ATP13A4: variants seen among roughly 807,000 people sequenced by gnomAD.
The protein encoded by ATP13A4 is ATPase 13A4.
A neutral mutation model predicts 142.5 loss-of-function variants in ATP13A4; 114 were observed. That is an observed-to-expected ratio of 0.80 (90% confidence interval 0.69 to 0.93). ATP13A4 has a LOEUF of 0.93. Ranked by LOEUF, ATP13A4 falls within the 40% of genes least tolerant of loss-of-function variation. The probability of loss-of-function intolerance (pLI) is 0.00; values close to 1 mark genes in which losing one functional copy is unlikely to be tolerated. For synonymous variants in ATP13A4, 488 were observed against 514.8 expected (o/e 0.95, Z 0.70); for missense variants, 1,392 against 1,454.0 (o/e 0.96, Z 0.69).
intron 25 of ATP13A4, among the ~76,000 whole-genome samples, chr3:193,417,700 A>ATGTAAAGAAAAGAGAACACTT (rs1361802616): frequency 4.3e-4 from 60 of 139,272 alleles, no homozygotes; most frequent in Middle Eastern, 3.4e-3. Flanking sequence ...ACAAAAAAGA[A>ATGTAAAGAAAAGAGAACACTT]ATTGGCCAGG....
chr3:193,539,486 C>T (rs1722766700), intron 1 of ATP13A4, among the ~76,000 whole-genome samples: 1 of 152,216 alleles, frequency 6.6e-6, no homozygotes, highest in South Asian at 2.1e-4. Flanking sequence ...ACATGCTCTA[C>T]CCTAAAACCT....
At chr3:193,533,533 A>G (rs1208809647) in intron 1 of ATP13A4, among the ~76,000 whole-genome samples, 2 of 152,218 alleles carry the variant, frequency 1.3e-5, no homozygotes, top group Non-Finnish European at 2.9e-5. Context: ...AGAGCAGAAG[A>G]AGTTGGTAAT....
intron 1 of ATP13A4, among the ~76,000 whole-genome samples, chr3:193,549,027 T>A (rs1723387922): frequency 6.6e-6 from 1 of 152,166 alleles, no homozygotes; most frequent in Admixed American, 6.5e-5. Flanking sequence ...CCACAGAATA[T>A]CAATTTTGTA....
intron 7 of ATP13A4, among the ~76,000 whole-genome samples, chr3:193,485,882 C>T (rs1458985342): frequency 2.0e-5 from 3 of 150,076 alleles, no homozygotes; most frequent in African/African-American, 7.4e-5. Flanking sequence ...TTGAACTTTC[C>T]AGCCTCCATA....
intron 1 of ATP13A4, among the ~76,000 whole-genome samples, chr3:193,583,957 A>G (rs1724621624): frequency 6.6e-6 from 1 of 152,196 alleles, no homozygotes; most frequent in African/African-American, 2.4e-5. Flanking sequence ...AACTACAGCT[A>G]GTTTCAGGTG....
chr3:193,515,249 G>C (rs1320785444), intron 1 of ATP13A4, among the ~76,000 whole-genome samples: 1 of 152,182 alleles, frequency 6.6e-6, no homozygotes, highest in African/African-American at 2.4e-5. Context: ...ACTGAGCTTA[G>C]AGTGGCAGAA....
At chr3:193,510,160 C>T (rs1283724030) in intron 2 of ATP13A4, among the ~76,000 whole-genome samples, 4 of 152,118 alleles carry the variant, frequency 2.6e-5, no homozygotes, top group African/African-American at 7.2e-5. Flanking sequence ...AGGAGGTAAG[C>T]GACCCAGTGA....
intron 2 of ATP13A4, among the ~76,000 whole-genome samples, chr3:193,575,553 T>C (rs912571473): frequency 6.6e-6 from 1 of 152,090 alleles, no homozygotes; most frequent in African/African-American, 2.4e-5. Context: ...GGAACAGAGA[T>C]CAAGTTTCAA....
upstream of ATP13A4, among the ~76,000 whole-genome samples, chr3:193,555,819 G>T (rs989239581): frequency 1.3e-5 from 2 of 152,136 alleles, no homozygotes; most frequent in Non-Finnish European, 2.9e-5. Flanking sequence ...CCCTACCCTA[G>T]CTCTGGCAAA....
At position 193,412,191 on chromosome 3, in the gene ATP13A4, T is replaced by G; in HGVS notation, c.3195A>C (p.Pro1065=). Residue 1065 remains proline (P), a synonymous_variant, in exon 27 of 30, where the codon CCA becomes CCC. Transcript: ENST00000342695. ...VFSKGKPFRQ[P]TYTNYIFVLV... is the part of the protein sequence containing the mutation. ...AGTTCTACTCACAGTTTGTATAAGTTGGCTGTCTAAATGGTTTTCCTTTAG... is the reference window on the plus strand; with the variant it reads ...AGTTCTACTCACAGTTTGTATAAGTGGGCTGTCTAAATGGTTTTCCTTTAG... 1 of 1,606,228 alleles carries G rather than the reference T, an allele frequency of 6.2e-7. No homozygotes were observed. Among genetic ancestry groups the G allele is most frequent in the Non-Finnish European group, 8.5e-7 (1 of 1,172,832 alleles).
At chr3:193,541,606 G>A (rs1009310239) in intron 1 of ATP13A4, among the ~76,000 whole-genome samples, 1 of 151,970 alleles carries the variant, frequency 6.6e-6, no homozygotes, top group African/African-American at 2.4e-5. Flanking sequence ...TTGTTTGTTT[G>A]TTTGGACTAC....
At chr3:193,569,391 A>C (rs1285265365) in intron 2 of ATP13A4, among the ~76,000 whole-genome samples, 1 of 152,232 alleles carries the variant, frequency 6.6e-6, no homozygotes, top group East Asian at 1.9e-4. Flanking sequence ...AACTAAATGC[A>C]ACTTAGTATC....
intron 1 of ATP13A4, among the ~76,000 whole-genome samples, chr3:193,524,284 T>C (rs1023853685): frequency 1.3e-5 from 2 of 152,174 alleles, no homozygotes; most frequent in Non-Finnish European, 2.9e-5. Context: ...GGAACCCCTA[T>C]TTGTGTCTGG....
intron 2 of ATP13A4, chr3:193,579,601 AT>A (rs1724488817): frequency 6.6e-6 from 1 of 152,084 alleles, no homozygotes; most frequent in African/African-American, 2.4e-5. Context: ...AGTTTTACTT[AT>A]GGTTAAATTG....
Position 193,457,373 on chromosome 3 carries a change from G to A in ATP13A4, c.1761+6C>T, listed in dbSNP as rs570599503. ...TGTTGTGGGGTGAAGAGCAAGCAGG[G>A]CTTACCTGGCTGGCTGTTCTGCAGG... On this transcript the variant is annotated splice_donor_region_variant and intron_variant, in intron 15 of 29. Transcript: ENST00000342695. 11 of 1,614,042 alleles carry A rather than the reference G, an allele frequency of 6.8e-6. No individual in the cohort carries two copies. Among genetic ancestry groups the A allele is most frequent in the Non-Finnish European group, 9.3e-6 (11 of 1,179,876 alleles).
At position 193,502,603 on chromosome 3, in the gene ATP13A4, A is replaced by G. The variant is rs899724402; in HGVS notation, c.271T>C (p.Trp91Arg). The G allele has an allele frequency of 2.5e-6, 4 of 1,613,886 alleles. No individual in the cohort carries two copies. In the African/African-American group the frequency reaches 4.0e-5, roughly 16 times the overall value. The change falls in exon 3 of 30, where the codon TGG (tryptophan) becomes CGG (arginine). Residue 91 changes from tryptophan (W) to arginine (R), a missense_variant. Physicochemically the swap from Trp to Arg is moderately radical, Grantham distance 101. Transcript: ENST00000342695. ...CTGTTTAATGCTGACAGGTAGATCC[A>G]TATTACCTTTTTCCAAGAGTAAATT... is the stretch of plus-strand genomic sequence containing the variant. ...FQIYSWKKVIWIYLSALNSAF... is the reference protein window; with the variant it reads ...FQIYSWKKVIRIYLSALNSAF...
intron 1 of ATP13A4, among the ~76,000 whole-genome samples, chr3:193,584,363 G>T (rs1724629281): frequency 6.6e-6 from 1 of 151,864 alleles, no homozygotes; most frequent in Non-Finnish European, 1.5e-5. Flanking sequence ...ACTGGAGAAG[G>T]AAAAATAAAA....
chr3:193,586,385 G>A (rs145771349), intron 1 of ATP13A4, among the ~76,000 whole-genome samples: 4 of 152,146 alleles, frequency 2.6e-5, no homozygotes, highest in South Asian at 2.1e-4. Flanking sequence ...GTTACCTTCC[G>A]TGACGTAAGA....
chr3:193,417,129 C>T (rs1715105503), intron 25 of ATP13A4: 1 of 152,118 alleles, frequency 6.6e-6, no homozygotes, highest in Non-Finnish European at 1.5e-5. Context: ...CCTGGCAAAA[C>T]TGTCCTTCAA....
Sources: allele counts gnomAD v4.1 joint callset (sites outside exome capture counted in the v4.1 genomes callset), GRCh38; gene constraint gnomAD v4.1.1; transcripts MANE v1.5; gene names NCBI Gene and HGNC (gene_info 2026-07-23, HGNC 2026-07-21).